APP: variants seen among roughly 807,000 people sequenced by gnomAD.
APP encodes amyloid-beta precursor protein.
APP carries 31 observed loss-of-function variants against 101.4 expected under a neutral mutation model. The ratio of observed to expected loss-of-function variants is 0.31; its 90% CI spans 0.23 to 0.41. APP has a LOEUF of 0.41. Ranked by LOEUF, APP falls within the 10% of genes least tolerant of loss-of-function variation. The probability of loss-of-function intolerance (pLI) is 1.00; values close to 1 mark genes in which losing one functional copy is unlikely to be tolerated. For missense variants in APP, 839 were observed against 1,003.7 expected (o/e 0.84, Z 2.22); for synonymous variants, 366 against 364.4 (o/e 1.00, Z -0.05).
At chr21:26,086,711 T>C (rs748351885) in intron 3 of APP, among the ~76,000 whole-genome samples, 16 of 152,310 alleles carry the variant, frequency 1.1e-4, no homozygotes, top group Non-Finnish European at 2.4e-4. Flanking sequence ...GTAGAAAACA[T>C]ATCACATGGA....
intron 8 of APP, among the ~76,000 whole-genome samples, chr21:25,986,500 G>A (rs2042641839): frequency 6.6e-6 from 1 of 152,054 alleles, no homozygotes; most frequent in Non-Finnish European, 1.5e-5. Context: ...AGACCAGCCT[G>A]ATCAACATGG....
At chr21:26,061,290 G>T (rs890331472) in intron 3 of APP, among the ~76,000 whole-genome samples, 5 of 151,886 alleles carry the variant, frequency 3.3e-5, no homozygotes, top group Non-Finnish European at 7.4e-5. Flanking sequence ...TAGATGTGTA[G>T]ACAGGTAGAA....
At chr21:26,025,996 C>T (rs2044554119) in intron 5 of APP, among the ~76,000 whole-genome samples, 1 of 152,166 alleles carries the variant, frequency 6.6e-6, no homozygotes, top group Non-Finnish European at 1.5e-5. Flanking sequence ...GCTAGAAACA[C>T]TGAAAGGAAA....
chr21:25,931,187 C>T (rs1395647763), intron 13 of APP, among the ~76,000 whole-genome samples: 1 of 152,038 alleles, frequency 6.6e-6, no homozygotes, highest in Non-Finnish European at 1.5e-5. Context: ...GTAGGGATAC[C>T]GACAGAATGA....
chr21:25,994,930 C>T (rs921027673), intron 8 of APP, among the ~76,000 whole-genome samples: 10 of 152,162 alleles, frequency 6.6e-5, no homozygotes, highest in African/African-American at 2.4e-4. Context: ...CACTGCAAAA[C>T]CCTTCACTTG....
intron 16 of APP, among the ~76,000 whole-genome samples, chr21:25,895,044 C>T (rs1168931400): frequency 1.3e-5 from 2 of 151,616 alleles, no homozygotes; most frequent in African/African-American, 2.4e-5. Context: ...TTGCTGAAGA[C>T]TCAGATGATC....
intron 11 of APP, among the ~76,000 whole-genome samples, chr21:25,963,749 CG>C (rs954332524): frequency 4.6e-5 from 7 of 152,100 alleles, no homozygotes; most frequent in African/African-American, 1.7e-4. Flanking sequence ...CTTAGTTAAA[CG>C]TAATATTTGG....
At chr21:26,049,659 G>A (rs1197213003) in intron 5 of APP, among the ~76,000 whole-genome samples, 3 of 152,172 alleles carry the variant, frequency 2.0e-5, no homozygotes, top group African/African-American at 2.4e-5. Context: ...TAGCTATGGA[G>A]AATTGACAAA....
chr21:26,067,825 G>A (rs2146023483), intron 3 of APP, among the ~76,000 whole-genome samples: 1 of 152,084 alleles, frequency 6.6e-6, no homozygotes, highest in African/African-American at 2.4e-5. Context: ...ATATAGTAGA[G>A]ATAATTCTAA....
At chr21:25,972,126 T>C (rs1248984809) in intron 11 of APP, among the ~76,000 whole-genome samples, 1 of 152,220 alleles carries the variant, frequency 6.6e-6, no homozygotes, top group East Asian at 1.9e-4. Context: ...ATAATAACTG[T>C]ATTCCATAGG....
chr21:26,016,995 G>A (rs1285279482), intron 6 of APP, among the ~76,000 whole-genome samples: 29 of 144,276 alleles, frequency 2.0e-4, no homozygotes, highest in African/African-American at 6.9e-4. Context: ...TCAGGAAATC[G>A]AGACCATCCT....
intron 11 of APP, among the ~76,000 whole-genome samples, chr21:25,956,592 C>T (rs752388876): frequency 6.6e-6 from 1 of 152,068 alleles, no homozygotes; most frequent in Admixed American, 6.6e-5. Context: ...AACAAAAAAA[C>T]CAGTTGTGAA....
chr21:26,106,693 G>A (rs564317917), intron 2 of APP, among the ~76,000 whole-genome samples: 7 of 152,306 alleles, frequency 4.6e-5, no homozygotes, highest in African/African-American at 1.7e-4. Flanking sequence ...ATGGGTATCA[G>A]TCCTTCCCAC....
chr21:26,121,532 C>T (rs970082709), intron 1 of APP, among the ~76,000 whole-genome samples: 2 of 152,010 alleles, frequency 1.3e-5, no homozygotes, highest in African/African-American at 2.4e-5. Flanking sequence ...GGATTACAGG[C>T]GCGCGTCACC....
At chr21:25,923,502 A>G (rs2039724703) in intron 13 of APP, among the ~76,000 whole-genome samples, 1 of 103,406 alleles carries the variant, frequency 9.7e-6, no homozygotes, top group East Asian at 3.1e-4. Context: ...GCTAATATCC[A>G]GAATCTACAA....
chr21:25,957,568 C>T (rs918985228), intron 11 of APP, among the ~76,000 whole-genome samples: 4 of 152,066 alleles, frequency 2.6e-5, no homozygotes, highest in African/African-American at 7.2e-5. Context: ...TGTGACTAAT[C>T]GCATTTAACC....
At chr21:26,111,856 T>C in intron 2 of APP, 123 bp downstream of exon 2, 2 of 971,258 alleles carry the variant, frequency 2.1e-6, no homozygotes, top group Non-Finnish European at 3.3e-6. Context: ...GTATGGTGAA[T>C]CATTAGGAAC....
chr21:26,082,134 G>A (rs980451460), intron 3 of APP, among the ~76,000 whole-genome samples: 6 of 152,084 alleles, frequency 3.9e-5, no homozygotes, highest in Non-Finnish European at 5.9e-5. Flanking sequence ...CAGGAGAATC[G>A]CTTGATCCCA....
At chr21:26,023,925 GGATCA>G (rs2044457697) in intron 5 of APP, among the ~76,000 whole-genome samples, 1 of 152,150 alleles carries the variant, frequency 6.6e-6, no homozygotes, top group Admixed American at 6.5e-5. Context: ...ATTGGGAAGA[GGATCA>G]GAAATATTTA....
Sources: allele counts gnomAD v4.1 joint callset (sites outside exome capture counted in the v4.1 genomes callset), GRCh38; gene constraint gnomAD v4.1.1; transcripts MANE v1.5; gene names NCBI Gene and HGNC (gene_info 2026-07-23, HGNC 2026-07-21).